ITGA9: variants seen among roughly 807,000 people sequenced by gnomAD.
ITGA9 encodes integrin subunit alpha 9.
In ITGA9, 56 loss-of-function variants were observed where a neutral mutation model predicts 127.8. That is an observed-to-expected ratio of 0.44 (90% CI 0.35 to 0.55). ITGA9 has a LOEUF of 0.55. ITGA9 is among the 20% of genes least tolerant of loss of function. ITGA9 has a pLI of 0.00. For synonymous variants in ITGA9, 508 were observed against 514.5 expected (o/e 0.99, Z 0.17); for missense variants, 1,196 against 1,347.1 (o/e 0.89, Z 1.76).
chr3:37,592,176 C>T (rs1348140889), intron 15 of ITGA9, among the ~76,000 whole-genome samples: 1 of 152,106 alleles, frequency 6.6e-6, no homozygotes, highest in East Asian at 1.9e-4. Flanking sequence ...GCTTATTAGC[C>T]TCCATTAAGA....
intron 18 of ITGA9, among the ~76,000 whole-genome samples, chr3:37,685,151 C>T (rs749314066): frequency 6.6e-5 from 10 of 152,162 alleles, no homozygotes; most frequent in East Asian, 1.9e-4. Flanking sequence ...CTCTGCCCAC[C>T]GATGAGCACT....
chr3:37,600,876 G>A (rs1559546208), intron 15 of ITGA9, among the ~76,000 whole-genome samples: 1 of 152,230 alleles, frequency 6.6e-6, no homozygotes, highest in Non-Finnish European at 1.5e-5. Context: ...CACATGTGTG[G>A]GGAATGAGAG....
chr3:37,471,964 G>A (rs1168873866), intron 2 of ITGA9, among the ~76,000 whole-genome samples: 2 of 152,172 alleles, frequency 1.3e-5, no homozygotes, highest in African/African-American at 2.4e-5. Context: ...CGAGGCAGGA[G>A]GATCACTTGA....
intron 24 of ITGA9, among the ~76,000 whole-genome samples, chr3:37,779,070 G>GT (rs1320854558): frequency 6.6e-6 from 1 of 151,986 alleles, no homozygotes; most frequent in Non-Finnish European, 1.5e-5. Flanking sequence ...GAAAACTTTT[G>GT]TAACTTAAAT....
intron 15 of ITGA9, among the ~76,000 whole-genome samples, chr3:37,559,546 T>C (rs542214765): frequency 6.6e-6 from 1 of 152,246 alleles, no homozygotes; most frequent in African/African-American, 2.4e-5. Context: ...TTGCTGCCTC[T>C]TGTTAGCCTT....
At chr3:37,483,091 C>T (rs1401781502) in intron 4 of ITGA9, among the ~76,000 whole-genome samples, 4 of 152,102 alleles carry the variant, frequency 2.6e-5, no homozygotes, top group African/African-American at 2.4e-5. Flanking sequence ...TGAGAAGGAG[C>T]GATGGGCTCA....
At chr3:37,738,970 G>A (rs1008562922) in intron 20 of ITGA9, among the ~76,000 whole-genome samples, 4 of 152,134 alleles carry the variant, frequency 2.6e-5, no homozygotes, top group Non-Finnish European at 5.9e-5. Context: ...CAAAAATATC[G>A]ATGCCTGATC....
At chr3:37,585,568 C>T in intron 15 of ITGA9, 1 of 507,284 alleles carries the variant, frequency 2.0e-6, no homozygotes, top group Admixed American at 2.0e-5. Flanking sequence ...ACAACATTTT[C>T]TCTAGCAATT....
chr3:37,471,494 C>T lies in ITGA9; in HGVS notation c.313+360C>T, dbSNP rs143853868. Among the ~76,000 whole-genome samples the T allele has an allele frequency of 4.4e-3, 668 of 152,206 alleles. 1 individual carries two copies. Among genetic ancestry groups the T allele is most frequent in the African/African-American group, 0.015 (639 of 41,532 alleles). On this transcript the variant is annotated intron_variant, in intron 2 of 27. Coordinates refer to ENST00000264741, the MANE Select transcript of ITGA9 (RefSeq NM_002207.3). Reference sequence around the variant, plus strand: ...CGACATGATTAGAAGGATGCGTAGTCGTTAGCTGGGCAGGTGCAGGAAGCA... The same window carrying T: ...CGACATGATTAGAAGGATGCGTAGTTGTTAGCTGGGCAGGTGCAGGAAGCA...
chr3:37,793,415 C>T (rs1203151998), intron 26 of ITGA9, among the ~76,000 whole-genome samples: 1 of 151,646 alleles, frequency 6.6e-6, no homozygotes, highest in African/African-American at 2.4e-5. Context: ...CACACACACA[C>T]ACACACACAC....
chr3:37,603,491 G>A (rs1359805227), intron 15 of ITGA9, among the ~76,000 whole-genome samples: 3 of 152,130 alleles, frequency 2.0e-5, no homozygotes, highest in Non-Finnish European at 4.4e-5. Context: ...GTTCCCCATG[G>A]ACATTGAGGA....
At chr3:37,614,775 T>C (rs1575167733) in intron 15 of ITGA9, among the ~76,000 whole-genome samples, 1 of 152,252 alleles carries the variant, frequency 6.6e-6, no homozygotes, top group East Asian at 1.9e-4. Flanking sequence ...TTGTCTGTTA[T>C]TGGTGTATAA....
intron 17 of ITGA9, among the ~76,000 whole-genome samples, chr3:37,672,611 G>A (rs1700647796): frequency 6.6e-6 from 1 of 152,034 alleles, no homozygotes; most frequent in South Asian, 2.1e-4. Flanking sequence ...AAGGTGGTAA[G>A]CTTTGAACAG....
intron 8 of ITGA9, among the ~76,000 whole-genome samples, chr3:37,509,534 T>G (rs1165036843): frequency 1.3e-5 from 2 of 152,074 alleles, no homozygotes; most frequent in Non-Finnish European, 2.9e-5. Context: ...TCCTGCCGAG[T>G]TAGAACTGCT....
chr3:37,454,223 A>G (rs1406396223), intron 1 of ITGA9, among the ~76,000 whole-genome samples: 1 of 152,254 alleles, frequency 6.6e-6, no homozygotes, highest in Non-Finnish European at 1.5e-5. Context: ...GCTCTTTGAC[A>G]GCTAGAGGGA....
intron 18 of ITGA9, among the ~76,000 whole-genome samples, chr3:37,728,857 C>T (rs1696249945): frequency 1.3e-5 from 2 of 151,234 alleles, no homozygotes; most frequent in African/African-American, 2.4e-5. Flanking sequence ...GCAAGAGGAG[C>T]GAAGGGAGCA....
At chr3:37,648,004 A>G (rs535753179) in intron 16 of ITGA9, among the ~76,000 whole-genome samples, 8 of 152,166 alleles carry the variant, frequency 5.3e-5, no homozygotes, top group South Asian at 2.1e-4. Context: ...AAATATTTCT[A>G]TGAGGTACTG....
At chr3:37,693,268 G>A (rs1251960702) in intron 18 of ITGA9, among the ~76,000 whole-genome samples, 1 of 152,184 alleles carries the variant, frequency 6.6e-6, no homozygotes, top group Non-Finnish European at 1.5e-5. Context: ...GGAGGGTATT[G>A]TGGGAGGGGT....
chr3:37,452,710 G>C lies in ITGA9; in HGVS notation c.185+151G>C. On this transcript the variant is annotated intron_variant, in intron 1 of 27. Transcript: ENST00000264741. The surrounding 1 kb of genome is among the most constrained non-coding windows in gnomAD (Gnocchi z 7.3). ...CCGTTGCGCGCGGCTCGGCCGCCGGGGGACGGCGGGAGAAGGGAGGACGCC... is the reference window on the plus strand; with the variant it reads ...CCGTTGCGCGCGGCTCGGCCGCCGGCGGACGGCGGGAGAAGGGAGGACGCC... The C allele has an allele frequency of 1.4e-6, 1 of 690,232 alleles. No individual in the cohort carries two copies. The highest frequency in any genetic ancestry group is 2.1e-6 in the Non-Finnish European group (1 of 472,478). The allele number at this position is 690,232 out of a possible 1,614,324, so 42.8% of individuals were successfully genotyped here.
Sources: allele counts gnomAD v4.1 joint callset (sites outside exome capture counted in the v4.1 genomes callset), GRCh38; gene constraint gnomAD v4.1.1; non-coding constraint Gnocchi (gnomAD v3.1); transcripts MANE v1.5; gene names NCBI Gene and HGNC (gene_info 2026-07-23, HGNC 2026-07-21).